TLK2: variants seen among roughly 807,000 people sequenced by gnomAD.
The protein encoded by TLK2 is serine/threonine-protein kinase tousled-like 2.
Under a neutral mutation model 117.3 loss-of-function variants are expected in TLK2, and 6 were observed. The observed-to-expected ratio is 0.05, with a 90% CI of 0.03 to 0.10. The LOEUF (loss-of-function observed/expected upper bound fraction) is 0.10. TLK2 is among the 10% of genes least tolerant of loss of function. TLK2 has a pLI of 1.00. For missense variants in TLK2, 299 were observed against 901.2 expected (o/e 0.33, Z 8.56); for synonymous variants, 257 against 316.7 (o/e 0.81, Z 2.00).
chr17:62,593,939 C>G (rs1009909772), intron 16 of TLK2, among the ~76,000 whole-genome samples: 4 of 151,410 alleles, frequency 2.6e-5, no homozygotes, highest in Admixed American at 2.0e-4. Flanking sequence ...ATTACAGGTG[C>G]ACACCACCGC....
At chr17:62,525,931 C>T (rs1314855796) in intron 6 of TLK2, among the ~76,000 whole-genome samples, 4 of 152,118 alleles carry the variant, frequency 2.6e-5, no homozygotes, top group East Asian at 3.9e-4. Context: ...GGGACAGATA[C>T]GTTTTGTAGA....
intron 7 of TLK2, among the ~76,000 whole-genome samples, chr17:62,548,894 G>T (rs1208810741): frequency 6.7e-6 from 1 of 149,162 alleles, no homozygotes; most frequent in African/African-American, 2.5e-5. Flanking sequence ...CCGCCCCCAC[G>T]CCCAGATTAT....
intron 10 of TLK2, among the ~76,000 whole-genome samples, chr17:62,560,713 G>T (rs2079195482): frequency 6.6e-6 from 1 of 150,378 alleles, no homozygotes; most frequent in Non-Finnish European, 1.5e-5. Flanking sequence ...GAGTGCAGTG[G>T]CATGATCTCA....
upstream of TLK2, among the ~76,000 whole-genome samples, chr17:62,474,716 CG>C (rs1487999082): frequency 6.6e-6 from 1 of 151,930 alleles, no homozygotes; most frequent in Non-Finnish European, 1.5e-5. Flanking sequence ...GCCTAGAAGA[CG>C]GAAGTTTGCA....
At chr17:62,538,282 G>T (rs922450007) in intron 7 of TLK2, among the ~76,000 whole-genome samples, 3 of 151,976 alleles carry the variant, frequency 2.0e-5, no homozygotes, top group Admixed American at 1.3e-4. Flanking sequence ...TGATCCGCCC[G>T]CCTCAGCCTC....
At chr17:62,610,428 C>G (rs1040826315) in intron 21 of TLK2, among the ~76,000 whole-genome samples, 5 of 152,204 alleles carry the variant, frequency 3.3e-5, no homozygotes, top group Admixed American at 6.5e-5. Context: ...AGTTTATATT[C>G]CACTTATGAG....
intron 19 of TLK2, among the ~76,000 whole-genome samples, chr17:62,604,825 A>G (rs7215578): frequency 0.67 from 101,751 of 151,358 alleles, 34,382 homozygotes; most frequent in East Asian, 0.83. Context: ...AGCTGAGGTC[A>G]CACTACTACA....
intron 19 of TLK2, 152 bp from the exon 20 acceptor site, chr17:62,605,978 C>T: frequency 2.8e-6 from 1 of 358,336 alleles, no homozygotes. Context: ...CTGTACTCAG[C>T]CTGGGTGACA....
chr17:62,472,536 A>C (rs1021926817), intron 1 of TLK2, among the ~76,000 whole-genome samples: 6 of 151,928 alleles, frequency 3.9e-5, no homozygotes, highest in African/African-American at 1.5e-4. Flanking sequence ...CGGGAGATCG[A>C]GAGCATCCTG....
upstream of TLK2, among the ~76,000 whole-genome samples, chr17:62,478,814 T>G (rs1374155689): frequency 6.8e-6 from 1 of 147,002 alleles, no homozygotes; most frequent in Non-Finnish European, 1.5e-5. Flanking sequence ...ACTAGTGTGT[T>G]TACACCGATC....
chr17:62,525,164 A>G (rs1286985684), intron 6 of TLK2, among the ~76,000 whole-genome samples: 3 of 152,174 alleles, frequency 2.0e-5, no homozygotes, highest in African/African-American at 7.2e-5. Flanking sequence ...GGATCTTGGG[A>G]GACAGGGTCT....
chr17:62,600,613 C>G, intron 17 of TLK2, 38 bp from the exon 18 acceptor site: 2 of 1,553,544 alleles, frequency 1.3e-6, no homozygotes, highest in Non-Finnish European at 8.7e-7. Context: ...TCTGCTTGCT[C>G]TTATTCCATG....
intron 7 of TLK2, among the ~76,000 whole-genome samples, chr17:62,537,190 A>G (rs2077174938): frequency 6.6e-6 from 1 of 152,198 alleles, no homozygotes; most frequent in Admixed American, 6.5e-5. Context: ...TGGTGTCTAT[A>G]AGTCTCCAAT....
chr17:62,475,695 T>C (rs1277825508), upstream of TLK2, among the ~76,000 whole-genome samples: 2 of 150,012 alleles, frequency 1.3e-5, no homozygotes, highest in African/African-American at 4.9e-5. Context: ...AGTCTCGCTC[T>C]GTCACCCAGG....
chr17:62,519,066 G>A (rs2075843436), intron 2 of TLK2, among the ~76,000 whole-genome samples: 1 of 152,048 alleles, frequency 6.6e-6, no homozygotes, highest in Admixed American at 6.6e-5. Context: ...TGTATTTTTG[G>A]TAGAGATGGG....
At position 62,602,133 on chromosome 17, in the gene TLK2, T is replaced by C; in HGVS notation, c.1812T>C (p.Asn604=). ...AGATCATGGATGATGATAGCTACAATTCAGTGGATGGCATGGAGCTAACAT... is the reference window on the plus strand; with the variant it reads ...AGATCATGGATGATGATAGCTACAACTCAGTGGATGGCATGGAGCTAACAT... ...LSKIMDDDSY[N]SVDGMELTSQ... is the part of the protein sequence containing the mutation. Residue 604 remains asparagine (N), a synonymous_variant, in exon 19 of 22, where the codon AAT becomes AAC. Coordinates refer to ENST00000346027, the MANE Select transcript of TLK2 (RefSeq NM_006852.6). The C allele has an allele frequency of 6.2e-7, 1 of 1,613,850 alleles. No homozygotes were observed. Among genetic ancestry groups the C allele is most frequent in the Non-Finnish European group, 8.5e-7 (1 of 1,179,810 alleles).
At chr17:62,552,708 C>T (rs1226425886) in intron 8 of TLK2, among the ~76,000 whole-genome samples, 1 of 149,922 alleles carries the variant, frequency 6.7e-6, no homozygotes, top group South Asian at 2.1e-4. Flanking sequence ...AGAAAAGTAC[C>T]TACGCTTTGA....
At chr17:62,484,164 T>C (rs891216534) in intron 2 of TLK2, among the ~76,000 whole-genome samples, 9 of 151,944 alleles carry the variant, frequency 5.9e-5, no homozygotes, top group Non-Finnish European at 1.2e-4. Context: ...TCACGGTAAG[T>C]ATATTGATTA....
chr17:62,535,227 C>G (rs920217967), intron 6 of TLK2, among the ~76,000 whole-genome samples: 3 of 151,974 alleles, frequency 2.0e-5, no homozygotes, highest in Admixed American at 1.3e-4. Context: ...GTGTGTGTAT[C>G]CTTTTTGGTA....
Sources: gnomAD v4.1 joint callset for allele counts (sites outside exome capture counted in the v4.1 genomes callset) on GRCh38, gnomAD v4.1.1 for gene constraint, MANE v1.5 for transcripts, NCBI Gene and HGNC (gene_info 2026-07-23, HGNC 2026-07-21) for gene names.